DAPK1: variants seen among roughly 807,000 people sequenced by gnomAD.
The protein encoded by DAPK1 is death-associated protein kinase 1.
In DAPK1, 56 loss-of-function variants were observed where a neutral mutation model predicts 144.9. The ratio of observed to expected loss-of-function variants is 0.39; its 90% CI spans 0.31 to 0.48. The LOEUF (loss-of-function observed/expected upper bound fraction) is 0.48, where lower values mean the gene tolerates loss of function less well. Ranked by LOEUF, DAPK1 falls within the 20% of genes least tolerant of loss-of-function variation. DAPK1 has a pLI of 0.95. For missense variants in DAPK1, 1,454 were observed against 1,875.4 expected (o/e 0.78, Z 4.15); for synonymous variants, 690 against 749.0 (o/e 0.92, Z 1.29).
At chr9:87,516,533 C>T (rs1403479449) in intron 2 of DAPK1, among the ~76,000 whole-genome samples, 1 of 152,094 alleles carries the variant, frequency 6.6e-6, no homozygotes, top group Non-Finnish European at 1.5e-5. Flanking sequence ...TTCTAAACTG[C>T]CTAATAGCTG....
chr9:87,632,623 A>C (rs1322339887), intron 3 of DAPK1: 1 of 982,320 alleles, frequency 1.0e-6, no homozygotes. Flanking sequence ...AAGGGTGATC[A>C]GTATATATGT....
chr9:87,578,081 T>A (rs1827627287), intron 2 of DAPK1, among the ~76,000 whole-genome samples: 1 of 152,178 alleles, frequency 6.6e-6, no homozygotes, highest in African/African-American at 2.4e-5. Flanking sequence ...TCTTCCGATT[T>A]TAAATGTAAC....
At chr9:87,504,059 G>A (rs1273692666) in intron 2 of DAPK1, among the ~76,000 whole-genome samples, 1 of 152,140 alleles carries the variant, frequency 6.6e-6, no homozygotes, top group East Asian at 1.9e-4. Context: ...AACCCTGTGT[G>A]GCTCATAGAA....
At chr9:87,529,678 C>CGTGGAATGCAGTG (rs1825638398) in intron 2 of DAPK1, among the ~76,000 whole-genome samples, 1 of 152,166 alleles carries the variant, frequency 6.6e-6, no homozygotes, top group African/African-American at 2.4e-5. Context: ...TTTAACAGTA[C>CGTGGAATGCAGTG]GTGGAATGCA....
intron 2 of DAPK1, among the ~76,000 whole-genome samples, chr9:87,547,559 T>G (rs2118526478): frequency 7.5e-6 from 1 of 134,144 alleles, no homozygotes; most frequent in East Asian, 2.3e-4. Flanking sequence ...GAACCATAAG[T>G]GTGTGTGGAG....
chr9:87,607,225 TG>T (rs1828763996), intron 3 of DAPK1, among the ~76,000 whole-genome samples: 1 of 152,114 alleles, frequency 6.6e-6, no homozygotes, highest in Admixed American at 6.5e-5. Context: ...AGAGTGAAGA[TG>T]GGGGCTGGGG....
intron 2 of DAPK1, among the ~76,000 whole-genome samples, chr9:87,572,716 C>T (rs1034669975): frequency 2.0e-5 from 3 of 152,154 alleles, no homozygotes; most frequent in Non-Finnish European, 2.9e-5. Flanking sequence ...AGAAGCTGAG[C>T]AGATGCCAGT....
intron 3 of DAPK1, among the ~76,000 whole-genome samples, chr9:87,627,766 C>T (rs1829539923): frequency 6.6e-6 from 1 of 152,166 alleles, no homozygotes. Flanking sequence ...AATCCCATGC[C>T]TGTAAACCTA....
chr9:87,641,933 A>G (rs750683161), intron 9 of DAPK1, 36 bp from the exon 10 acceptor site: 5 of 1,543,028 alleles, frequency 3.2e-6, no homozygotes, highest in Non-Finnish European at 4.5e-6. Context: ...TCATAATTTG[A>G]GAGCTTTAAT....
At chr9:87,657,946 T>G in intron 17 of DAPK1, 83 bp from the exon 18 acceptor site, 1 of 720,640 alleles carries the variant, frequency 1.4e-6, no homozygotes, top group Non-Finnish European at 2.6e-6. Flanking sequence ...CCCTGACCCC[T>G]TCCTTAACCT....
chr9:87,661,093 C>T (rs1290364149), intron 18 of DAPK1, among the ~76,000 whole-genome samples: 1 of 152,260 alleles, frequency 6.6e-6, no homozygotes, highest in Non-Finnish European at 1.5e-5. Flanking sequence ...CCACCTTGGC[C>T]TCCCAAAGTG....
intron 2 of DAPK1, among the ~76,000 whole-genome samples, chr9:87,566,569 T>C (rs1372904665): frequency 3.3e-5 from 5 of 152,218 alleles, no homozygotes; most frequent in African/African-American, 4.8e-5. Flanking sequence ...ATAAGTAAGC[T>C]CAGGTTATTT....
rs778782592 is a variant in DAPK1 at position 87,641,984 on chromosome 9, C to A, written c.844C>A (p.Gln282Lys). Residue 282 changes from glutamine to lysine, a missense_variant, in exon 10 of 26, where the codon CAG becomes AAG. Physicochemically the swap from Gln to Lys is moderately conservative, Grantham distance 53. This residue lies in a region of DAPK1 where 429 missense variants were observed against 637.5 expected (regional missense o/e 0.67). Transcript: ENST00000408954. ...TTTATTTTAGCCTAAAGATACACAACAGGCACTTAGTAGAAAAGCATCAGC... is the reference window on the plus strand; with the variant it reads ...TTTATTTTAGCCTAAAGATACACAAAAGGCACTTAGTAGAAAAGCATCAGC... ...HPWIKPKDTQ[Q>K]ALSRKASAVN... 1 of 1,613,586 alleles carries A rather than the reference C, an allele frequency of 6.2e-7. No homozygotes were observed.
chr9:87,604,433 A>G (rs888414841), intron 2 of DAPK1, among the ~76,000 whole-genome samples: 4 of 152,214 alleles, frequency 2.6e-5, no homozygotes, highest in Admixed American at 6.5e-5. Flanking sequence ...TTTGGTACAT[A>G]TGACTTATCA....
chr9:87,594,466 G>A (rs1828246672), intron 2 of DAPK1, among the ~76,000 whole-genome samples: 1 of 152,226 alleles, frequency 6.6e-6, no homozygotes. Flanking sequence ...TGAAGTCATA[G>A]ACCATATCTG....
At chr9:87,548,493 A>G (rs1337062507) in intron 2 of DAPK1, among the ~76,000 whole-genome samples, 3 of 152,214 alleles carry the variant, frequency 2.0e-5, no homozygotes, top group Non-Finnish European at 4.4e-5. Flanking sequence ...AAGGTAGTCA[A>G]TAGAAAACAT....
intron 2 of DAPK1, among the ~76,000 whole-genome samples, chr9:87,578,689 C>T (rs898920281): frequency 6.6e-5 from 10 of 152,196 alleles, no homozygotes; most frequent in African/African-American, 2.4e-4. Context: ...AGAAAACAAT[C>T]CCATTTGCCA....
At chr9:87,695,992 A>G (rs535410658) in intron 21 of DAPK1, among the ~76,000 whole-genome samples, 7 of 152,252 alleles carry the variant, frequency 4.6e-5, no homozygotes, top group African/African-American at 1.4e-4. Context: ...GTGAAGGTGG[A>G]GTGTCTGTAT....
chr9:87,667,924 T>C (rs1831115586), intron 18 of DAPK1: 1 of 152,586 alleles, frequency 6.6e-6, no homozygotes, highest in Non-Finnish European at 1.5e-5. Flanking sequence ...GCACATATTA[T>C]GAGGTGGTGT....
Sources: allele counts gnomAD v4.1 joint callset (sites outside exome capture counted in the v4.1 genomes callset), GRCh38; gene constraint gnomAD v4.1.1; regional missense constraint gnomAD v4.1.1; transcripts MANE v1.5; gene names NCBI Gene and HGNC (gene_info 2026-07-23, HGNC 2026-07-21).